Variants in SLF2 observed in about 807,000 individuals in gnomAD.
The protein encoded by SLF2 is SMC5/6 complex localization factor 2, also known as SMC5-SMC6 complex localization factor protein 2.
SLF2 carries 68 observed loss-of-function variants against 124.3 expected under a neutral mutation model. That is an observed-to-expected ratio of 0.55 (90% CI 0.45 to 0.67). The LOEUF (loss-of-function observed/expected upper bound fraction) is 0.67, where lower values mean the gene tolerates loss of function less well. Among genes scored for constraint, SLF2 ranks in the 30% least tolerant of loss-of-function variants. The pLI is 0.00. For missense variants in SLF2, 1,246 were observed against 1,373.7 expected (o/e 0.91, Z 1.47); for synonymous variants, 480 against 478.8 (o/e 1.00, Z -0.03).
intron 6 of SLF2, among the ~76,000 whole-genome samples, chr10:100,928,502 ATGAT>A (rs1005466196): frequency 1.3e-5 from 2 of 152,168 alleles, no homozygotes; most frequent in Non-Finnish European, 2.9e-5. Context: ...GTTTAATTGA[ATGAT>A]TGACCCTTTT....
At chr10:100,950,621 A>G (rs756614160) in intron 16 of SLF2, 55 bp from the exon 17 acceptor site, 66 of 1,441,526 alleles carry the variant, frequency 4.6e-5, no homozygotes, top group Non-Finnish European at 6.4e-5. Flanking sequence ...GTAAATTGGA[A>G]TGACATCTAT....
Position 100,924,631 on chromosome 10 carries a change from C to G in SLF2, c.1630C>G (p.Pro544Ala). Residue 544 changes from proline (P) to alanine (A), a missense_variant, in exon 5 of 20, where the codon CCT becomes GCT. By Grantham distance (27) the Pro-to-Ala change is conservative. Around this residue, in one of 3 missense-constraint regions of SLF2, gnomAD observed 698 missense variants for 708.9 expected, o/e 0.98. Transcript: ENST00000238961. ...NVSSGKISGG[P>A]LRSEYGTPTK... ...ATCTTCAGGGAAAATTTCTGGGGGA[C>G]CTTTGCGCTCAGAATATGGCACTCC... is the stretch of plus-strand genomic sequence containing the variant. 1 of 1,613,970 alleles carries G rather than the reference C, an allele frequency of 6.2e-7. No homozygotes were observed. The highest frequency in any genetic ancestry group is 8.5e-7 in the Non-Finnish European group (1 of 1,180,010).
intron 17 of SLF2, among the ~76,000 whole-genome samples, chr10:100,954,937 C>T (rs186467094): frequency 1.4e-4 from 19 of 138,104 alleles, no homozygotes; most frequent in Admixed American, 4.4e-4. Flanking sequence ...CAAGGCAAGA[C>T]TCTCTTTTTT....
intron 4 of SLF2, among the ~76,000 whole-genome samples, chr10:100,919,197 G>C (rs973744967): frequency 4.6e-5 from 7 of 151,920 alleles, no homozygotes; most frequent in African/African-American, 1.7e-4. Context: ...ATTTTTAGTG[G>C]AGACGGGGTT....
intron 14 of SLF2, 41 bp from the exon 15 acceptor site, chr10:100,947,712 CAGTATTA>C: frequency 7.7e-7 from 1 of 1,296,896 alleles, no homozygotes; most frequent in East Asian, 2.3e-5. Flanking sequence ...GCTTTTCAAG[CAGTATTA>C]ATTAAAATAC....
At chr10:100,914,507 A>G (rs965632457) in intron 1 of SLF2, among the ~76,000 whole-genome samples, 1 of 152,226 alleles carries the variant, frequency 6.6e-6, no homozygotes, top group Admixed American at 6.5e-5. Context: ...GAAGAGATAC[A>G]GTGTTACATT....
Position 100,937,416 on chromosome 10 carries a change from T to C in SLF2, c.2451T>C (p.His817=), listed in dbSNP as rs533248094. 2.2e-5 allele frequency: 36 copies of C among 1,609,678 alleles called. 1 individual carries two copies. The South Asian group carries it at 4.0e-4, about 18-fold the overall frequency. Residue 817 remains histidine (H), a synonymous_variant, in exon 10 of 20, where the codon CAT becomes CAC. Coordinates refer to ENST00000238961, the MANE Select transcript of SLF2 (RefSeq NM_018121.4). ...LKWLFRMMSV[H]TDCIVSVQIL... ...GCTTTTGACAGATGATGTCAGTTCATACAGACTGTATTGTGTCAGTGCAGA... is the reference window on the plus strand; with the variant it reads ...GCTTTTGACAGATGATGTCAGTTCACACAGACTGTATTGTGTCAGTGCAGA...
intron 6 of SLF2, among the ~76,000 whole-genome samples, chr10:100,928,573 A>G (rs1849662574): frequency 6.6e-6 from 1 of 152,174 alleles, no homozygotes; most frequent in East Asian, 1.9e-4. Context: ...GTACTTATCC[A>G]CTGTTTGTGG....
intron 6 of SLF2, 39 bp from the exon 7 acceptor site, chr10:100,929,278 T>C: frequency 6.4e-7 from 1 of 1,551,446 alleles, no homozygotes; most frequent in East Asian, 2.3e-5. Context: ...TAAAAATATT[T>C]TTAGAGTAAA....
At chr10:100,918,916 C>T (rs368328512) in intron 4 of SLF2, among the ~76,000 whole-genome samples, 1 of 151,762 alleles carries the variant, frequency 6.6e-6, no homozygotes, top group Non-Finnish European at 1.5e-5. Flanking sequence ...AATCTCTGCC[C>T]TCTTCAGGAG....
At chr10:100,939,427 C>G (rs944666221) in intron 11 of SLF2, among the ~76,000 whole-genome samples, 1 of 151,008 alleles carries the variant, frequency 6.6e-6, no homozygotes, top group Non-Finnish European at 1.5e-5. Flanking sequence ...CCTGTAATCC[C>G]AGCACTTTGG....
chr10:100,944,320 C>T (rs1174273542), intron 12 of SLF2, among the ~76,000 whole-genome samples, 192 bp downstream of exon 12: 1 of 151,732 alleles, frequency 6.6e-6, no homozygotes, highest in Admixed American at 6.6e-5. Context: ...ACGGTGAAAA[C>T]CCGTCTCTAC....
At position 100,955,252 on chromosome 10, in the gene SLF2, T is replaced by TA. The variant is rs756117577; in HGVS notation, c.3331-1186dup. On this transcript the variant is annotated intron_variant, in intron 17 of 19. Coordinates refer to ENST00000238961, the MANE Select transcript of SLF2 (RefSeq NM_018121.4). Reference sequence around the variant, plus strand: ...ACCTCGCCCGGCTGACCCTATCTCTTAAAAAAAAAAAAAGTCACAAACTGA... The same window carrying TA: ...ACCTCGCCCGGCTGACCCTATCTCTTAAAAAAAAAAAAAAGTCACAAACTGA... Among the ~76,000 whole-genome samples, 797 of 142,168 alleles carry TA rather than the reference T, an allele frequency of 5.6e-3. 3 individuals are homozygous for TA. The highest frequency in any genetic ancestry group is 6.5e-3 in the Non-Finnish European group (419 of 64,798). The allele number at this position is 142,168 out of a possible 152,430, so 93.3% of individuals were successfully genotyped here. A position where few individuals can be genotyped will look rare whatever the true frequency, so the allele number is the denominator to read the frequency against.
chr10:100,955,607 T>A (rs772692705), intron 17 of SLF2, among the ~76,000 whole-genome samples: 9 of 151,982 alleles, frequency 5.9e-5, no homozygotes, highest in Non-Finnish European at 1.3e-4. Flanking sequence ...AAAAAAAATT[T>A]AAAAATTAAA....
chr10:100,923,413 A>G (rs1410513294), intron 4 of SLF2, among the ~76,000 whole-genome samples: 1 of 151,482 alleles, frequency 6.6e-6, no homozygotes, highest in Non-Finnish European at 1.5e-5. Flanking sequence ...TTCCTTGTGT[A>G]TTTTCACCTT....
At chr10:100,961,232 G>C (rs1469674078) in intron 19 of SLF2, among the ~76,000 whole-genome samples, 1 of 151,696 alleles carries the variant, frequency 6.6e-6, no homozygotes, top group Non-Finnish European at 1.5e-5. Context: ...GGATGGTCTG[G>C]ATCTCCTGAC....
chr10:100,950,130 A>C lies in SLF2; in HGVS notation c.3175A>C (p.Lys1059Gln). The C allele has an allele frequency of 6.2e-7, 1 of 1,613,906 alleles. No homozygotes were observed. Among genetic ancestry groups the C allele is most frequent in the South Asian group, 1.1e-5 (1 of 91,042 alleles). ...GATGAAGCCTTCTGATTTGTTAAAG[A>C]AAATGGTCTTGAAGAAAAAGGCTGA... ...VQMKPSDLLK[K>Q]MVLKKKAEQP... Residue 1059 changes from lysine to glutamine, a missense_variant, in exon 16 of 20, where the codon AAA becomes CAA. By Grantham distance (53) the Lys-to-Gln change is moderately conservative (BLOSUM62 1). Transcript: ENST00000238961.
At chr10:100,933,931 G>A (rs1361213209) in intron 9 of SLF2, among the ~76,000 whole-genome samples, 1 of 152,230 alleles carries the variant, frequency 6.6e-6, no homozygotes, top group South Asian at 2.1e-4. Flanking sequence ...CACCCACCTC[G>A]GCCTCCCAAA....
rs763101982 is a variant in SLF2, at chr10:100,947,021, C to A, written c.2935-18C>A. The A allele has an allele frequency of 1.3e-6, 2 of 1,586,138 alleles. No homozygotes were observed. Among genetic ancestry groups the A allele is most frequent in the South Asian group, 2.2e-5 (2 of 90,534 alleles). ...CTGTTCTGTTTGAAAAGAAATCTTA[C>A]ATGTTCTTTTTTTTCAGGTGCCTGA... On this transcript the variant is annotated intron_variant, in intron 13 of 19. Transcript: ENST00000238961.
Sources: gnomAD v4.1 joint callset for allele counts (sites outside exome capture counted in the v4.1 genomes callset) on GRCh38, gnomAD v4.1.1 for gene constraint, gnomAD v4.1.1 regional missense constraint, MANE v1.5 for transcripts, NCBI Gene and HGNC (gene_info 2026-07-23, HGNC 2026-07-21) for gene names.